The following DHX15 variants were observed in gnomAD, a reference collection of about 807,000 sequenced individuals.
The protein encoded by DHX15 is ATP-dependent RNA helicase DHX15.
In DHX15, 11 loss-of-function variants were observed where a neutral mutation model predicts 94.4. That is an observed-to-expected ratio of 0.12 (90% CI 0.07 to 0.19). DHX15 has a LOEUF of 0.19. DHX15 is among the 10% of genes least tolerant of loss of function. The probability of loss-of-function intolerance (pLI) is 1.00; values close to 1 mark genes in which losing one functional copy is unlikely to be tolerated. For synonymous variants in DHX15, 338 were observed against 329.9 expected (o/e 1.02, Z -0.27); for missense variants, 304 against 988.5 (o/e 0.31, Z 9.29).
intron 5 of DHX15, among the ~76,000 whole-genome samples, chr4:24,551,163 A>C (rs1051711870): frequency 1.3e-5 from 2 of 152,326 alleles, no homozygotes; most frequent in Non-Finnish European, 2.9e-5. Context: ...TTAAAAATGG[A>C]AGGCAGCACT....
intron 3 of DHX15, among the ~76,000 whole-genome samples, chr4:24,561,463 A>G (rs1384418575): frequency 6.6e-6 from 1 of 152,246 alleles, no homozygotes; most frequent in Non-Finnish European, 1.5e-5. Flanking sequence ...TTGGGTATAC[A>G]GAATATAAAC....
At chr4:24,564,041 T>C (rs1253140344) in intron 3 of DHX15, among the ~76,000 whole-genome samples, 1 of 124,760 alleles carries the variant, frequency 8.0e-6, no homozygotes, top group Non-Finnish European at 1.6e-5. Flanking sequence ...CACTCCAGCC[T>C]AGGGAACAGA....
intron 3 of DHX15, among the ~76,000 whole-genome samples, chr4:24,559,447 C>T (rs975736542): frequency 3.3e-4 from 50 of 149,774 alleles, no homozygotes; most frequent in South Asian, 1.3e-3. Context: ...AAACCCTTTG[C>T]TTAACAACAA....
intron 2 of DHX15, among the ~76,000 whole-genome samples, chr4:24,575,582 G>A (rs1392296274): frequency 3.9e-5 from 6 of 152,066 alleles, no homozygotes; most frequent in East Asian, 1.9e-4. Context: ...AAATTGATAC[G>A]CTCCCTCTGG....
chr4:24,529,800 A>C (rs764454229), intron 12 of DHX15, 30 bp from the exon 13 acceptor site: 18 of 1,610,624 alleles, frequency 1.1e-5, no homozygotes, highest in Middle Eastern at 1.6e-4. Context: ...TATTATTAAT[A>C]CAATGCTTCT....
In DHX15 at chr4:24,542,088, G is replaced by A. The variant is rs1357943661; in HGVS notation, c.1336-66C>T. 10 of 1,383,016 alleles carry A rather than the reference G, an allele frequency of 7.2e-6. No homozygotes were observed. The African/African-American group carries it at 1.2e-4, about 16-fold the overall frequency. The allele number at this position is 1,383,016 out of a possible 1,614,324, so 85.7% of individuals were successfully genotyped here. ...AACACAAAATTGTGATGCAACAGAA[G>A]TATCCAAAGCCCACAGTTAATTCCA... On this transcript the variant is annotated intron_variant, in intron 7 of 13. Coordinates refer to ENST00000336812, the MANE Select transcript of DHX15 (RefSeq NM_001358.3).
intron 2 of DHX15, among the ~76,000 whole-genome samples, chr4:24,574,868 G>A (rs1443856073): frequency 1.3e-5 from 2 of 152,094 alleles, no homozygotes; most frequent in Admixed American, 6.5e-5. Context: ...TAAAATTTCC[G>A]TAAGGTGATT....
chr4:24,559,375 T>TACA (rs1721812711), intron 3 of DHX15, among the ~76,000 whole-genome samples: 1 of 93,366 alleles, frequency 1.1e-5, no homozygotes, highest in South Asian at 4.3e-4. Flanking sequence ...TTTAAGCCAC[T>TACA]AAAAAAAAAA....
intron 1 of DHX15, among the ~76,000 whole-genome samples, chr4:24,578,448 T>G (rs1009837499): frequency 6.6e-6 from 1 of 150,642 alleles, no homozygotes; most frequent in Non-Finnish European, 1.5e-5. Context: ...AGATCATGGA[T>G]CATACAGCTA....
intron 3 of DHX15, among the ~76,000 whole-genome samples, chr4:24,568,573 A>T (rs1722046813): frequency 6.6e-6 from 1 of 152,162 alleles, no homozygotes; most frequent in African/African-American, 2.4e-5. Flanking sequence ...TTTCAGAGGT[A>T]CTCATCTTTT....
At position 24,527,514 on chromosome 4, in the gene DHX15, C is replaced by T. The variant is rs1720984316; in HGVS notation, c.*410G>A. On this transcript the variant is annotated 3_prime_UTR_variant, in exon 14 of 14. Transcript: ENST00000336812. The stretch of plus-strand genomic sequence containing the variant: ...CTTTATTGAAGTCAGTGCCTCTGTA[C>T]TGAGACAGAAGATTGTGTCTACATA... The T allele has an allele frequency of 1.2e-5, 2 of 160,806 alleles. No individual in the cohort carries two copies. The highest frequency in any genetic ancestry group is 1.2e-4 in the Admixed American group (2 of 16,490). 10.0% of individuals were successfully genotyped at this position (160,806 alleles called of 1,614,324 possible).
At chr4:24,555,882 A>G (rs955981079) in intron 4 of DHX15, among the ~76,000 whole-genome samples, 8 of 152,120 alleles carry the variant, frequency 5.3e-5, no homozygotes, top group Non-Finnish European at 7.4e-5. Context: ...ATAAGTTACA[A>G]TGGGTGTTTG....
intron 3 of DHX15, among the ~76,000 whole-genome samples, chr4:24,569,159 T>C (rs972653315): frequency 1.3e-5 from 2 of 152,222 alleles, no homozygotes; most frequent in Non-Finnish European, 2.9e-5. Flanking sequence ...CACACTGAAA[T>C]ATTTATATAT....
At chr4:24,542,442 C>T (rs1409897143) in intron 7 of DHX15, among the ~76,000 whole-genome samples, 4 of 152,250 alleles carry the variant, frequency 2.6e-5, no homozygotes, top group Non-Finnish European at 5.9e-5. Context: ...AAAATGTAAT[C>T]AATTTATCCA....
intron 1 of DHX15, among the ~76,000 whole-genome samples, chr4:24,581,646 T>C (rs1357127513): frequency 6.6e-6 from 1 of 152,174 alleles, no homozygotes; most frequent in East Asian, 1.9e-4. Flanking sequence ...ACAAATGTTA[T>C]CACAGTATTA....
chr4:24,546,112 A>T (rs1721417896), intron 6 of DHX15, among the ~76,000 whole-genome samples: 1 of 152,172 alleles, frequency 6.6e-6, no homozygotes, highest in South Asian at 2.1e-4. Flanking sequence ...TAATGCATTT[A>T]AACTAATTTG....
chr4:24,574,259 A>G (rs914728826), intron 2 of DHX15, among the ~76,000 whole-genome samples: 2 of 148,870 alleles, frequency 1.3e-5, no homozygotes, highest in Non-Finnish European at 1.5e-5. Flanking sequence ...TTTTGTTTAG[A>G]GAATTTTTCT....
rs186169257 is a variant in DHX15 at position 24,531,597 on chromosome 4, A to G, written c.2100+1267T>C. ...GCTAGGCATAGTGGTGCGTGCCTGTAGTCCCAGGAACTCAGGAGTCTGAGG... is the reference window on the plus strand; with the variant it reads ...GCTAGGCATAGTGGTGCGTGCCTGTGGTCCCAGGAACTCAGGAGTCTGAGG... On this transcript the variant is annotated intron_variant, in intron 12 of 13. Transcript: ENST00000336812. 8.2e-4 allele frequency among the ~76,000 whole-genome samples: 125 copies of G among 152,108 alleles called. 1 individual carries two copies. The highest frequency in any genetic ancestry group is 2.8e-3 in the African/African-American group (117 of 41,518).
chr4:24,574,041 CAAAAAAA>C (rs10567935), intron 2 of DHX15, among the ~76,000 whole-genome samples: 2 of 127,776 alleles, frequency 1.6e-5, no homozygotes, highest in Non-Finnish European at 3.3e-5. Context: ...ATTAAAAATA[CAAAAAAA>C]AAAAAAAAAT....
Sources: allele counts gnomAD v4.1 joint callset (sites outside exome capture counted in the v4.1 genomes callset), GRCh38; gene constraint gnomAD v4.1.1; transcripts MANE v1.5; gene names NCBI Gene and HGNC (gene_info 2026-07-23, HGNC 2026-07-21).